Variants in FGFR2 observed in about 807,000 individuals in gnomAD.
The protein encoded by FGFR2 is BEK fibroblast growth factor receptor.
In FGFR2, 19 loss-of-function variants were observed where a neutral mutation model predicts 95.9. The ratio of observed to expected loss-of-function variants is 0.20; its 90% CI spans 0.14 to 0.29. The LOEUF (loss-of-function observed/expected upper bound fraction) is 0.29. FGFR2 is among the 10% of genes least tolerant of loss of function. The pLI is 1.00. For synonymous variants in FGFR2, 392 were observed against 393.3 expected (o/e 1.00, Z 0.04); for missense variants, 707 against 1,056.9 (o/e 0.67, Z 4.59).
intron 6 of FGFR2, among the ~76,000 whole-genome samples, chr10:121,521,295 C>T (rs1373537707): frequency 6.6e-6 from 1 of 152,198 alleles, no homozygotes; most frequent in Non-Finnish European, 1.5e-5. Context: ...CTTCACTTGT[C>T]TTGCCTCTCT....
intron 6 of FGFR2, chr10:121,538,095 C>T (rs1472961262): frequency 7.4e-6 from 4 of 539,962 alleles, no homozygotes; most frequent in South Asian, 2.3e-5. Flanking sequence ...GAATTGGTAC[C>T]GTCTAATGAC....
chr10:121,574,260 G>A (rs1459832554), intron 2 of FGFR2, among the ~76,000 whole-genome samples: 1 of 152,116 alleles, frequency 6.6e-6, no homozygotes, highest in Non-Finnish European at 1.5e-5. Flanking sequence ...CAGGTGCGGT[G>A]GCTCATGTCT....
chr10:121,507,797 C>T (rs1160390665), intron 9 of FGFR2, among the ~76,000 whole-genome samples: 2 of 152,178 alleles, frequency 1.3e-5, no homozygotes, highest in Non-Finnish European at 2.9e-5. Flanking sequence ...AGACACTTCT[C>T]TCTGGGTAAC....
At chr10:121,563,715 G>A (rs1857280884) in intron 4 of FGFR2, among the ~76,000 whole-genome samples, 1 of 152,204 alleles carries the variant, frequency 6.6e-6, no homozygotes, top group South Asian at 2.1e-4. Context: ...CTAAGGCACA[G>A]AAGTGAAATG....
chr10:121,548,900 G>T (rs1854965729), intron 5 of FGFR2, among the ~76,000 whole-genome samples: 2 of 151,710 alleles, frequency 1.3e-5, no homozygotes, highest in South Asian at 2.1e-4. Flanking sequence ...TTTTCAAAAA[G>T]ATTTCTTTTA....
intron 5 of FGFR2, among the ~76,000 whole-genome samples, chr10:121,541,483 T>A (rs887610766): frequency 3.3e-5 from 5 of 152,150 alleles, no homozygotes; most frequent in Non-Finnish European, 1.5e-5. Context: ...TATTTCCATA[T>A]GGAGATTCAG....
chr10:121,537,332 G>T (rs1852997199), intron 6 of FGFR2, among the ~76,000 whole-genome samples: 1 of 152,226 alleles, frequency 6.6e-6, no homozygotes, highest in South Asian at 2.1e-4. Flanking sequence ...CTAAGGCAGA[G>T]TGTCTCGTAG....
intron 6 of FGFR2, among the ~76,000 whole-genome samples, chr10:121,525,556 G>A (rs1851242937): frequency 6.6e-6 from 1 of 152,042 alleles, no homozygotes; most frequent in Non-Finnish European, 1.5e-5. Flanking sequence ...GTAGCTGGGA[G>A]CCATAACCCA....
intron 4 of FGFR2, among the ~76,000 whole-genome samples, chr10:121,557,247 T>TA (rs1453554748): frequency 6.6e-6 from 1 of 152,230 alleles, no homozygotes; most frequent in East Asian, 1.9e-4. Flanking sequence ...CTGAGAAAGA[T>TA]ATTCAGTCCA....
chr10:121,593,729 T>C lies in FGFR2; in HGVS notation c.89A>G (p.Asp30Gly). Reference protein sequence around the residue: ...LARPSFSLVEDTTLEPEEPPT... With the variant: ...LARPSFSLVEGTTLEPEEPPT... ...CTTACCTTCTGGCTCTAATGTGGTATCCTCAACTAAACTGAAGGAGGGCCG... is the reference window on the plus strand; with the variant it reads ...CTTACCTTCTGGCTCTAATGTGGTACCCTCAACTAAACTGAAGGAGGGCCG... Residue 30 changes from aspartate to glycine, a missense_variant, in exon 2 of 18, where the codon GAT (aspartate) becomes GGT (glycine). By Grantham distance (94) the Asp-to-Gly change is moderately conservative. Around this residue, in one of 7 missense-constraint regions of FGFR2, gnomAD observed 178 missense variants for 194.1 expected, o/e 0.92. Coordinates refer to ENST00000358487, the MANE Select transcript of FGFR2 (RefSeq NM_000141.5). 6.2e-7 allele frequency: 1 copy of C among 1,614,164 alleles called. No individual in the cohort carries two copies. The highest frequency in any genetic ancestry group is 8.5e-7 in the Non-Finnish European group (1 of 1,180,022).
intron 9 of FGFR2, among the ~76,000 whole-genome samples, chr10:121,509,482 CTTTTTTTTTT>C (rs67778522): frequency 6.6e-5 from 3 of 45,346 alleles, no homozygotes; most frequent in African/African-American, 1.7e-4. Flanking sequence ...TGTTTCTTTT[CTTTTTTTTTT>C]TTTTTTTTTT....
chr10:121,585,915 C>T (rs41302255), intron 2 of FGFR2, among the ~76,000 whole-genome samples: 383 of 152,318 alleles, frequency 2.5e-3, no homozygotes, highest in Middle Eastern at 6.8e-3. Context: ...AAGGCAGCCA[C>T]ACATCTTTGG....
chr10:121,492,257 T>G (rs1329343008), intron 13 of FGFR2, among the ~76,000 whole-genome samples: 1 of 152,160 alleles, frequency 6.6e-6, no homozygotes, highest in Non-Finnish European at 1.5e-5. Flanking sequence ...AAAAGTAAAA[T>G]TAGTGTGATT....
intron 9 of FGFR2, among the ~76,000 whole-genome samples, chr10:121,504,476 A>C (rs1848021313): frequency 6.6e-6 from 1 of 152,320 alleles, no homozygotes; most frequent in East Asian, 1.9e-4. Flanking sequence ...AATGTGGAAG[A>C]CATTCAGTAG....
In FGFR2 at chr10:121,485,198, G is replaced by C. The variant is rs1351348114; in HGVS notation, c.2195+197C>G. 6.6e-6 allele frequency among the ~76,000 whole-genome samples: 1 copy of C among 152,086 alleles called. No individual in the cohort carries two copies. The highest frequency in any genetic ancestry group is 1.9e-4 in the East Asian group (1 of 5,182). On this transcript the variant is annotated intron_variant, in intron 16 of 17. Coordinates refer to ENST00000358487, the MANE Select transcript of FGFR2 (RefSeq NM_000141.5). This position sits in a 1 kb window ranked among gnomAD's most constrained non-coding sequence, Gnocchi z 4.2. ...AAGCCCTCTCCATACTCAGAATAAT[G>C]TTCTTTCTCTCAGACAAGTAATGGT...
chr10:121,488,059 T>C lies in FGFR2; in HGVS notation c.1918A>G (p.Met640Val). The C allele has an allele frequency of 6.2e-7, 1 of 1,614,138 alleles. No individual in the cohort carries two copies. Among genetic ancestry groups the C allele is most frequent in the Non-Finnish European group, 8.5e-7 (1 of 1,180,000 alleles). ...GCGAGTCCAAAGTCTGCTATTTTCA[T>C]CACATTGTTTTCTGTTACCAAAACA... is the stretch of plus-strand genomic sequence containing the variant. ...RNVLVTENNV[M>V]KIADFGLARD... is the part of the protein sequence containing the mutation. The change falls in exon 14 of 18, where the codon ATG becomes GTG. Residue 640 changes from methionine to valine, a missense_variant. By Grantham distance (21) the Met-to-Val change is conservative. Coordinates refer to ENST00000358487, the MANE Select transcript of FGFR2 (RefSeq NM_000141.5).
chr10:121,553,920 G>C (rs865963673), intron 4 of FGFR2, among the ~76,000 whole-genome samples: 1 of 152,198 alleles, frequency 6.6e-6, no homozygotes, highest in Admixed American at 6.5e-5. Context: ...CAGACCACGC[G>C]CACCTATGCA....
intron 4 of FGFR2, among the ~76,000 whole-genome samples, chr10:121,555,424 C>T (rs1235889289): frequency 6.6e-6 from 1 of 151,968 alleles, no homozygotes; most frequent in East Asian, 1.9e-4. Context: ...AAGCTAAGGA[C>T]ACATGAGTTT....
intron 2 of FGFR2, among the ~76,000 whole-genome samples, chr10:121,576,077 C>T (rs1197224515): frequency 6.6e-6 from 1 of 150,888 alleles, no homozygotes; most frequent in Non-Finnish European, 1.5e-5. Flanking sequence ...ATCCCAGCTA[C>T]TAAGGAGGGT....
Sources: allele counts gnomAD v4.1 joint callset (sites outside exome capture counted in the v4.1 genomes callset), GRCh38; gene constraint gnomAD v4.1.1; regional missense constraint gnomAD v4.1.1; non-coding constraint Gnocchi (gnomAD v3.1); transcripts MANE v1.5; gene names NCBI Gene and HGNC (gene_info 2026-07-23, HGNC 2026-07-21).